The following ABCC3 variants were observed in gnomAD, a reference collection of about 807,000 sequenced individuals.
ABCC3 encodes the protein ATP-binding cassette sub-family C member 3.
In ABCC3, 121 loss-of-function variants were observed where a neutral mutation model predicts 165.3. The observed-to-expected ratio is 0.73, with a 90% confidence interval of 0.63 to 0.85. The LOEUF is 0.85. Among genes scored for constraint, ABCC3 ranks in the 40% least tolerant of loss-of-function variants. The probability of loss-of-function intolerance (pLI) is 0.00; values close to 1 mark genes in which losing one functional copy is unlikely to be tolerated. For synonymous variants in ABCC3, 733 were observed against 810.1 expected (o/e 0.90, Z 1.62); for missense variants, 1,869 against 1,964.1 (o/e 0.95, Z 0.92).
chr17:50,672,434 C>T (rs950536825), intron 17 of ABCC3, among the ~76,000 whole-genome samples: 2 of 152,200 alleles, frequency 1.3e-5, no homozygotes, highest in Non-Finnish European at 2.9e-5. Context: ...TTGGGCAGGA[C>T]ACCAAGCTGG....
chr17:50,675,532 C>G, intron 20 of ABCC3, 56 bp downstream of exon 20: 3 of 1,586,050 alleles, frequency 1.9e-6, no homozygotes, highest in Non-Finnish European at 2.6e-6. Flanking sequence ...CTCCCCAGGC[C>G]CTGCCAGATG....
intron 15 of ABCC3, 81 bp downstream of exon 15, chr17:50,669,000 T>C (rs1478224709): frequency 2.5e-6 from 4 of 1,597,444 alleles, no homozygotes; most frequent in Non-Finnish European, 3.4e-6. Flanking sequence ...TGCAAAGCCT[T>C]TGACCAAGAA....
At chr17:50,687,284 G>A (rs1968039125) in intron 29 of ABCC3, 1 of 471,596 alleles carries the variant, frequency 2.1e-6, no homozygotes, top group Admixed American at 3.4e-5. Context: ...CGAGAGAGGA[G>A]GCCAAGGGTG....
At position 50,649,524 on chromosome 17, in the gene ABCC3, A is replaced by G. The variant is rs1328099666; in HGVS notation, c.46-6308A>G. On this transcript the variant is annotated intron_variant, in intron 1 of 30. Coordinates refer to ENST00000285238, the MANE Select transcript of ABCC3 (RefSeq NM_003786.4). ...GTTTGTTTACATATTGAATTATGCT[A>G]CAGTCCACTATGTATGGAGTCAGCT... Among the ~76,000 whole-genome samples the G allele has an allele frequency of 4.0e-5, 6 of 151,286 alleles. No individual in the cohort carries two copies. In the East Asian group the frequency reaches 1.2e-3, roughly 30 times the overall value.
chr17:50,690,959 G>A (rs1968112875), intron 30 of ABCC3, 133 bp from the exon 31 acceptor site: 1 of 642,020 alleles, frequency 1.6e-6, no homozygotes, highest in Admixed American at 2.5e-5. Flanking sequence ...GTGTGCACAT[G>A]TGGTGCGGTG....
chr17:50,691,173 G>C lies in ABCC3; in HGVS notation c.4557G>C (p.Gly1519=), dbSNP rs778108577. The change falls in exon 31 of 31, where the codon GGG becomes GGC. Residue 1519 remains glycine (G), a synonymous_variant. Coordinates refer to ENST00000285238, the MANE Select transcript of ABCC3 (RefSeq NM_003786.4). ...TTGCAGCTAGAGGCATCTTCTACGG[G>C]ATGGCCAGAGATGCTGGACTTGCCT... is the stretch of plus-strand genomic sequence containing the variant. ...NLIAARGIFY[G]MARDAGLA 3.1e-6 allele frequency: 5 copies of C among 1,613,972 alleles called. No individual in the cohort carries two copies. Among genetic ancestry groups the C allele is most frequent in the African/African-American group, 1.3e-5 (1 of 74,942 alleles).
chr17:50,668,053 G>T (rs557137350), intron 13 of ABCC3, 44 bp downstream of exon 13: 6 of 1,563,874 alleles, frequency 3.8e-6, no homozygotes, highest in Non-Finnish European at 5.3e-6. Flanking sequence ...GTTGGAACAG[G>T]TTGTTGGGGT....
At chr17:50,666,816 A>G (rs963283901) in intron 11 of ABCC3, among the ~76,000 whole-genome samples, 6 of 152,238 alleles carry the variant, frequency 3.9e-5, no homozygotes, top group African/African-American at 1.4e-4. Context: ...CTTGGAGAAC[A>G]AAGAGAAATA....
At chr17:50,665,101 A>C (rs1315334973) in intron 10 of ABCC3, 52 bp from the exon 11 acceptor site, 14 of 1,526,226 alleles carry the variant, frequency 9.2e-6, no homozygotes, top group Middle Eastern at 1.7e-4. Context: ...TTCTCTCTGT[A>C]GACTTTGGTA....
At chr17:50,681,561 C>A (rs185233793) in intron 26 of ABCC3, among the ~76,000 whole-genome samples, 2 of 152,136 alleles carry the variant, frequency 1.3e-5, no homozygotes, top group African/African-American at 4.8e-5. Context: ...AACCCTCCCC[C>A]CTGCACTCCA....
chr17:50,665,318 C>T, intron 11 of ABCC3, 73 bp downstream of exon 11: 16 of 1,394,924 alleles, frequency 1.1e-5, no homozygotes, highest in Non-Finnish European at 1.6e-5. Context: ...TGTCCACTAA[C>T]CTTGGGGCCT....
At position 50,655,770 on chromosome 17, in the gene ABCC3, C is replaced by T. The variant is rs975373756; in HGVS notation, c.46-62C>T. On this transcript the variant is annotated intron_variant, in intron 1 of 30. Coordinates refer to ENST00000285238, the MANE Select transcript of ABCC3 (RefSeq NM_003786.4). ...ACATCTCTCCAGCTAAGCCATCTTC[C>T]TCAAGGCAGCCCAATTCTCTGTGGG... is the stretch of plus-strand genomic sequence containing the variant. 165 of 1,527,672 alleles carry T rather than the reference C, an allele frequency of 1.1e-4. 1 individual carries two copies. The highest frequency in any genetic ancestry group is 1.4e-4 in the Non-Finnish European group (160 of 1,114,454). 94.6% of individuals were successfully genotyped at this position (1,527,672 alleles called of 1,614,324 possible).
intron 6 of ABCC3, among the ~76,000 whole-genome samples, chr17:50,658,841 C>T (rs1360951700): frequency 6.6e-6 from 1 of 152,224 alleles, no homozygotes; most frequent in Non-Finnish European, 1.5e-5. Context: ...CTCAGAGCGG[C>T]TTGAGCAGGA....
At position 50,664,034 on chromosome 17, in the gene ABCC3, A is replaced by G; in HGVS notation, c.1261A>G (p.Met421Val). 1 of 1,614,170 alleles carries G rather than the reference A, an allele frequency of 6.2e-7. No individual in the cohort carries two copies. Among genetic ancestry groups the G allele is most frequent in the Non-Finnish European group, 8.5e-7 (1 of 1,180,042 alleles). Reference protein sequence around the residue: ...NLMSVDAQRFMDLAPFLNLLW... With the variant: ...NLMSVDAQRFVDLAPFLNLLW... Reference sequence around the variant, plus strand: ...CATGTCAGTGGATGCCCAGCGCTTCATGGACCTTGCCCCCTTCCTCAATCT... The same window carrying G: ...CATGTCAGTGGATGCCCAGCGCTTCGTGGACCTTGCCCCCTTCCTCAATCT... The change falls in exon 10 of 31, where the codon ATG becomes GTG. Residue 421 changes from methionine to valine, a missense_variant. By Grantham distance (21) the Met-to-Val change is conservative (BLOSUM62 1). Coordinates refer to ENST00000285238, the MANE Select transcript of ABCC3 (RefSeq NM_003786.4).
rs1967818537 is a variant in ABCC3, at chr17:50,676,608, C to G, written c.3378+20C>G. Reference sequence around the variant, plus strand: ...GTGCAGGTGTGGGGTGGGCGTGATTCCAGTGTGGGCGTGGTGTTATTGGGG... The same window carrying G: ...GTGCAGGTGTGGGGTGGGCGTGATTGCAGTGTGGGCGTGGTGTTATTGGGG... On this transcript the variant is annotated intron_variant, in intron 23 of 30. Transcript: ENST00000285238. 6.3e-7 allele frequency: 1 copy of G among 1,582,688 alleles called. No homozygotes were observed. The highest frequency in any genetic ancestry group is 8.6e-7 in the Non-Finnish European group (1 of 1,161,902).
At position 50,665,256 on chromosome 17, in the gene ABCC3, T is replaced by A. The variant is rs767268530; in HGVS notation, c.1431+11T>A. Reference sequence around the variant, plus strand: ...ATGCGCGCCTTCCAGGTAGGTGCTGTCAGAGGTGCATCCTCCTGCCTGCAG... The same window carrying A: ...ATGCGCGCCTTCCAGGTAGGTGCTGACAGAGGTGCATCCTCCTGCCTGCAG... On this transcript the variant is annotated intron_variant, in intron 11 of 30. Transcript: ENST00000285238. 12 of 1,613,620 alleles carry A rather than the reference T, an allele frequency of 7.4e-6. No homozygotes were observed. The East Asian group carries it at 2.7e-4, about 36-fold the overall frequency.
intron 14 of ABCC3, 41 bp downstream of exon 14, chr17:50,668,558 G>T (rs753138382): frequency 6.6e-7 from 1 of 1,514,428 alleles, no homozygotes; most frequent in South Asian, 1.1e-5. Flanking sequence ...CCCAGTCCTT[G>T]CTCCAGAAAA....
chr17:50,676,430 A>G lies in ABCC3; in HGVS notation c.3220A>G (p.Lys1074Glu), dbSNP rs752787969. 8.7e-6 allele frequency: 14 copies of G among 1,614,154 alleles called. No individual in the cohort carries two copies. Among genetic ancestry groups the G allele is most frequent in the Non-Finnish European group, 1.2e-5 (14 of 1,180,026 alleles). Residue 1074 changes from lysine to glutamate, a missense_variant, in exon 23 of 31, where the codon AAG (lysine) becomes GAG (glutamate). Transcript: ENST00000285238. ...AGGCCGCATCCTGAACTGCTTCTCCAAGGACATCTATGTCGTTGATGAGGT... is the reference window on the plus strand; with the variant it reads ...AGGCCGCATCCTGAACTGCTTCTCCGAGGACATCTATGTCGTTGATGAGGT... ...PSGRILNCFS[K>E]DIYVVDEVLA...
chr17:50,658,108 C>T lies in ABCC3; in HGVS notation c.513C>T (p.Phe171=). ...GTGAGATCTCAGACCCCTTCCGCTT[C>T]ACCACCTTCTACATCCACTTTGCCC... ...AEGEISDPFR[F]TTFYIHFALV... Residue 171 remains phenylalanine, a synonymous_variant, in exon 5 of 31, where the codon TTC becomes TTT. Coordinates refer to ENST00000285238, the MANE Select transcript of ABCC3 (RefSeq NM_003786.4). 1 of 1,614,234 alleles carries T rather than the reference C, an allele frequency of 6.2e-7. No individual in the cohort carries two copies. Among genetic ancestry groups the T allele is most frequent in the Non-Finnish European group, 8.5e-7 (1 of 1,180,030 alleles).
Sources: gnomAD v4.1 joint callset for allele counts (sites outside exome capture counted in the v4.1 genomes callset) on GRCh38, gnomAD v4.1.1 for gene constraint, MANE v1.5 for transcripts, NCBI Gene and HGNC (gene_info 2026-07-23, HGNC 2026-07-21) for gene names.